FBF1: variants seen among roughly 807,000 people sequenced by gnomAD.
The protein encoded by FBF1 is Fas binding factor 1.
Under a neutral mutation model 147.2 loss-of-function variants are expected in FBF1, and 119 were observed. The ratio of observed to expected loss-of-function variants is 0.81; its 90% CI spans 0.70 to 0.94. The LOEUF is 0.94. Ranked by LOEUF, FBF1 falls within the 40% of genes least tolerant of loss-of-function variation. The pLI is 0.00. For synonymous variants in FBF1, 601 were observed against 609.0 expected, an observed-to-expected ratio of 0.99 and a Z score of 0.19; for missense variants, 1,449 against 1,500.8, an observed-to-expected ratio of 0.97 and a Z score of 0.57.
At chr17:75,931,408 G>A in intron 5 of FBF1, 119 bp from the exon 6 acceptor site, 1 of 820,906 alleles carries the variant, frequency 1.2e-6, no homozygotes, top group Non-Finnish European at 1.9e-6. Context: ...GAGAACAGAG[G>A]TGCTAAAAGG....
Position 75,925,287 on chromosome 17 carries a change from C to T in FBF1, c.968+60G>A, listed in dbSNP as rs2065553037. On this transcript the variant is annotated intron_variant, in intron 13 of 29. Coordinates refer to ENST00000636174, the MANE Select transcript of FBF1 (RefSeq NM_001319193.2). This position sits in a 1 kb window ranked among gnomAD's most constrained non-coding sequence, Gnocchi z 5.0. ...GTGGGACAGGGGACAGCTGCAGGGGCCTGTCTTCCCAGTGGCCGACCTGTC... is the reference window on the plus strand; with the variant it reads ...GTGGGACAGGGGACAGCTGCAGGGGTCTGTCTTCCCAGTGGCCGACCTGTC... The T allele has an allele frequency of 2.2e-6, 3 of 1,342,380 alleles. No homozygotes were observed. Among genetic ancestry groups the T allele is most frequent in the East Asian group, 2.4e-5 (1 of 42,510 alleles). The allele number at this position is 1,342,380 out of a possible 1,614,324, so 83.2% of individuals were successfully genotyped here.
Position 75,925,952 on chromosome 17 carries a change from T to G in FBF1, c.868+78A>C. ...TGTGTATCAGGATGTGAGGCTGATT[T>G]CTCATTATAGGTTGTGATGAAAGCC... On this transcript the variant is annotated intron_variant, in intron 12 of 29. Coordinates refer to ENST00000636174, the MANE Select transcript of FBF1 (RefSeq NM_001319193.2). The surrounding 1 kb of genome is among the most constrained non-coding windows in gnomAD (Gnocchi z 5.0). 1 of 1,489,348 alleles carries G rather than the reference T, an allele frequency of 6.7e-7. No homozygotes were observed. Among genetic ancestry groups the G allele is most frequent in the Non-Finnish European group, 8.9e-7 (1 of 1,118,336 alleles). 92.3% of individuals were successfully genotyped at this position (1,489,348 alleles called of 1,614,324 possible).
Position 75,918,643 on chromosome 17 carries a change from G to A in FBF1, c.2139-374C>T, listed in dbSNP as rs187556323. ...CTCCCGAGTGGCTGGGACTATAGGC[G>A]CTCACCACGCCTAATTTTTTATATT... On this transcript the variant is annotated intron_variant, in intron 20 of 29. Transcript: ENST00000636174. This position sits in a 1 kb window ranked among gnomAD's most constrained non-coding sequence, Gnocchi z 5.8. 3.8e-3 allele frequency among the ~76,000 whole-genome samples: 579 copies of A among 151,900 alleles called. 2 individuals are homozygous for A. The highest frequency in any genetic ancestry group is 0.01 in the Middle Eastern group (3 of 294).
At chr17:75,926,954 G>A (rs879284652) in intron 9 of FBF1, 77 bp from the exon 10 acceptor site, 69 of 1,541,844 alleles carry the variant, frequency 4.5e-5, no homozygotes, top group South Asian at 2.4e-4. Flanking sequence ...GGGGAGCAGC[G>A]CTCGAGTCAA....
Position 75,922,014 on chromosome 17 carries a change from T to C in FBF1, c.1457A>G (p.His486Arg). The change falls in exon 15 of 30, where the codon CAC (histidine) becomes CGC (arginine). Residue 486 changes from histidine to arginine, a missense_variant. Physicochemically the swap from His to Arg is conservative, Grantham distance 29 (BLOSUM62 0). Transcript: ENST00000636174. The surrounding 1 kb of genome is among the most constrained non-coding windows in gnomAD (Gnocchi z 5.0). Reference protein sequence around the residue: ...QPLTSTQGLEHAAAGGSSGTT... With the variant: ...QPLTSTQGLERAAAGGSSGTT... ...TCCAGAACTCCCTCCAGCAGCTGCGTGCTCAAGCCCTTGTGTGCTGGTGAG... is the reference window on the plus strand; with the variant it reads ...TCCAGAACTCCCTCCAGCAGCTGCGCGCTCAAGCCCTTGTGTGCTGGTGAG... 1.3e-6 allele frequency: 2 copies of C among 1,551,840 alleles called. No individual in the cohort carries two copies. Among genetic ancestry groups the C allele is most frequent in the Non-Finnish European group, 8.7e-7 (1 of 1,147,030 alleles).
In FBF1 at chr17:75,922,604, G is replaced by A. The variant is rs1443439368; in HGVS notation, c.1425-558C>T. Among the ~76,000 whole-genome samples, 1 of 151,990 alleles carries A rather than the reference G, an allele frequency of 6.6e-6. No individual in the cohort carries two copies. Among genetic ancestry groups the A allele is most frequent in the Non-Finnish European group, 1.5e-5 (1 of 67,984 alleles). ...GCCCAGTTCACTCCCCTGGGCTCTG[G>A]CCACAGCACATCTCACCACTTCCTC... is the stretch of plus-strand genomic sequence containing the variant. On this transcript the variant is annotated intron_variant, in intron 14 of 29. Coordinates refer to ENST00000636174, the MANE Select transcript of FBF1 (RefSeq NM_001319193.2). This position sits in a 1 kb window ranked among gnomAD's most constrained non-coding sequence, Gnocchi z 5.0.
intron 17 of FBF1, among the ~76,000 whole-genome samples, chr17:75,920,837 G>C (rs542095560): frequency 6.6e-6 from 1 of 151,854 alleles, no homozygotes; most frequent in African/African-American, 2.4e-5. Flanking sequence ...TCCTGGGGGG[G>C]GGGGGGGCAC....
chr17:75,918,246 C>T lies in FBF1; in HGVS notation c.2162G>A (p.Arg721Lys). Residue 721 changes from arginine (R) to lysine (K), a missense_variant, in exon 21 of 30, where the codon AGA (arginine) becomes AAA (lysine). Transcript: ENST00000636174. The surrounding 1 kb of genome is among the most constrained non-coding windows in gnomAD (Gnocchi z 5.8). ...CCGCTGCAGCTGCTCCTCGTGGTCT[C>T]TGCGCATGTCTAGGATGGACGCCCT... ...LQRASILDMRRDHEEQLQRLK... is the reference protein window; with the variant it reads ...LQRASILDMRKDHEEQLQRLK... 1 of 1,613,352 alleles carries T rather than the reference C, an allele frequency of 6.2e-7. No individual in the cohort carries two copies.
intron 7 of FBF1, 33 bp downstream of exon 7, chr17:75,929,964 C>CCCCCCAAAAAAAAAA: frequency 7.1e-7 from 1 of 1,402,202 alleles, no homozygotes; most frequent in Non-Finnish European, 9.9e-7. Flanking sequence ...CACCCACCCC[C>CCCCCCAAAAAAAAAA]AGTTCTAAGA....
intron 9 of FBF1, among the ~76,000 whole-genome samples, 174 bp from the exon 10 acceptor site, chr17:75,927,051 G>T (rs2065566536): frequency 6.6e-6 from 1 of 152,186 alleles, no homozygotes; most frequent in Admixed American, 6.5e-5. Context: ...AAAAAGACAG[G>T]CCGGGCAAGG....
At chr17:75,930,393 C>T (rs1445155159) in intron 6 of FBF1, among the ~76,000 whole-genome samples, 2 of 152,206 alleles carry the variant, frequency 1.3e-5, no homozygotes, top group Non-Finnish European at 2.9e-5. Flanking sequence ...ATCTAAGACT[C>T]TAGCAGTTTC....
intron 23 of FBF1, among the ~76,000 whole-genome samples, chr17:75,915,670 G>C (rs1254222716): frequency 3.9e-5 from 6 of 152,220 alleles, no homozygotes; most frequent in Non-Finnish European, 8.8e-5. Context: ...CAGGTCAGCA[G>C]TGGACATCTC....
chr17:75,931,447 T>C (rs1401005035), intron 5 of FBF1, among the ~76,000 whole-genome samples, 158 bp from the exon 6 acceptor site: 1 of 152,206 alleles, frequency 6.6e-6, no homozygotes, highest in Non-Finnish European at 1.5e-5. Flanking sequence ...ATGCAGTGAT[T>C]TTCAACTTTG....
In FBF1 at chr17:75,919,669, G is replaced by A. The variant is rs750504516; in HGVS notation, c.2137C>T (p.Arg713Trp). Reference sequence around the variant, plus strand: ...CAGCTGCCTGTCCCTGGGCCTCACCGCTGCAGCTCCCGGAGCCGCTCCATT... The same window carrying A: ...CAGCTGCCTGTCCCTGGGCCTCACCACTGCAGCTCCCGGAGCCGCTCCATT... Reference protein sequence around the residue: ...QEMERLRELQRASILDMRRDH... With the variant: ...QEMERLRELQWASILDMRRDH... The change falls in exon 20 of 30, where the codon CGG (arginine) becomes TGG (tryptophan). Residue 713 changes from arginine to tryptophan, a missense_variant and splice_region_variant. By Grantham distance (101) the Arg-to-Trp change is moderately radical. Transcript: ENST00000636174. This position sits in a 1 kb window ranked among gnomAD's most constrained non-coding sequence, Gnocchi z 5.0. 32 of 1,595,952 alleles carry A rather than the reference G, an allele frequency of 2.0e-5. No individual in the cohort carries two copies. Among genetic ancestry groups the A allele is most frequent in the Middle Eastern group, 1.9e-4 (1 of 5,380 alleles).
rs1376616314 is a variant in FBF1, at chr17:75,935,810, C to CA, written c.32-138dup. ...TAGGCTTAGCTCTCCTTTCATTGGC[C>CA]ACGAGATGTTTTACAAGTTTCTGGC... On this transcript the variant is annotated intron_variant, in intron 3 of 29. Transcript: ENST00000636174. The CA allele has an allele frequency of 5.5e-6, 4 of 727,886 alleles. 1 individual carries two copies. In the East Asian group the frequency reaches 1.2e-4, roughly 22 times the overall value. The allele number at this position is 727,886 out of a possible 1,614,324, so 45.1% of individuals were successfully genotyped here.
Position 75,912,229 on chromosome 17 carries a change from T to G in FBF1, c.3326A>C (p.His1109Pro), listed in dbSNP as rs767521359. The G allele has an allele frequency of 6.2e-7, 1 of 1,611,140 alleles. No individual in the cohort carries two copies. Among genetic ancestry groups the G allele is most frequent in the African/African-American group, 1.3e-5 (1 of 74,928 alleles). The change falls in exon 29 of 30, where the codon CAT becomes CCT. Residue 1109 changes from histidine to proline, a missense_variant. His to Pro is a moderately conservative substitution (Grantham distance 77). Transcript: ENST00000636174. ...GTGCCTCAGCAGTGCCAGCCTGGCA[T>G]GGAGGTGCAAGGGGCTGGGGTCCAG... ...TGLDPSPLHL[H>P]ARLALLRHMA...
intron 1 of FBF1, among the ~76,000 whole-genome samples, chr17:75,940,210 G>A (rs1567866390): frequency 6.6e-6 from 1 of 150,448 alleles, no homozygotes. Context: ...CAAAGTGCTA[G>A]GATTACAGGT....
Position 75,925,403 on chromosome 17 carries a change from G to A in FBF1, c.912C>T (p.Ala304=), listed in dbSNP as rs577034953. The A allele has an allele frequency of 1.4e-4, 222 of 1,613,732 alleles. 1 individual carries two copies. Among genetic ancestry groups the A allele is most frequent in the Non-Finnish European group, 1.8e-4 (215 of 1,179,848 alleles). Residue 304 remains alanine (A), a synonymous_variant, in exon 13 of 30, where the codon GCC becomes GCT. Transcript: ENST00000636174. The surrounding 1 kb of genome is among the most constrained non-coding windows in gnomAD (Gnocchi z 5.0). ...CAGAGGAGACCACAGTGGGCTGATA[G>A]GCTCCAAAGGTGAAGTCCTCGTCAC... is the stretch of plus-strand genomic sequence containing the variant. ...MWGDEDFTFG[A]YQPTVVSSEG...
chr17:75,930,209 G>C (rs1334695981), intron 6 of FBF1, 162 bp from the exon 7 acceptor site: 2 of 603,626 alleles, frequency 3.3e-6, no homozygotes, highest in Non-Finnish European at 5.9e-6. Flanking sequence ...TGTTCCCCTT[G>C]CTTGGGCTTG....
Sources: allele counts gnomAD v4.1 joint callset (sites outside exome capture counted in the v4.1 genomes callset), GRCh38; gene constraint gnomAD v4.1.1; non-coding constraint Gnocchi (gnomAD v3.1); transcripts MANE v1.5; gene names NCBI Gene and HGNC (gene_info 2026-07-23, HGNC 2026-07-21).